The following ROBO2 variants were observed in gnomAD, a reference collection of about 807,000 sequenced individuals.
ROBO2 encodes the protein roundabout homolog 2.
Under a neutral mutation model 160.8 loss-of-function variants are expected in ROBO2, and 53 were observed. The ratio of observed to expected loss-of-function variants is 0.33; its 90% CI spans 0.26 to 0.41. The LOEUF (loss-of-function observed/expected upper bound fraction) is 0.41. ROBO2 is among the 10% of genes least tolerant of loss of function. The pLI is 1.00. For synonymous variants in ROBO2, 664 were observed against 611.7 expected (o/e 1.09, Z -1.26); for missense variants, 1,577 against 1,722.4 (o/e 0.92, Z 1.49).
intron 1 of ROBO2, among the ~76,000 whole-genome samples, chr3:77,089,347 ATCT>A (rs1482893360): frequency 1.3e-5 from 2 of 152,126 alleles, no homozygotes; most frequent in African/African-American, 2.4e-5. Context: ...TGATAGCTTA[ATCT>A]TCTGTTTTCT....
chr3:76,879,943 T>A (rs1039633716), intron 2 of ROBO2, among the ~76,000 whole-genome samples: 4 of 152,134 alleles, frequency 2.6e-5, no homozygotes, highest in African/African-American at 9.7e-5. Context: ...ATGCATTGGG[T>A]TTCTGATGCA....
chr3:76,248,066 T>G (rs1193634452), intron 2 of ROBO2, among the ~76,000 whole-genome samples: 1 of 151,912 alleles, frequency 6.6e-6, no homozygotes, highest in Non-Finnish European at 1.5e-5. Context: ...GTTCAACCAT[T>G]GTAGAAGTCA....
chr3:75,983,125 A>C (rs2065322545), intron 2 of ROBO2, among the ~76,000 whole-genome samples: 1 of 151,432 alleles, frequency 6.6e-6, no homozygotes, highest in South Asian at 2.1e-4. Context: ...AAGAAAGCTT[A>C]AGTGTACAGT....
In ROBO2 at chr3:77,473,646, CG is replaced by C. The variant is rs562739618; in HGVS notation, c.389-3764del. 4.9e-3 allele frequency among the ~76,000 whole-genome samples: 739 copies of C among 151,648 alleles called. 2 individuals carry two copies. Among genetic ancestry groups the C allele is most frequent in the South Asian group, 0.026 (122 of 4,764 alleles). ...TTTTTTTTGGTATTTTTAGTACAGA[CG>C]GGGTTTCACCGTGTTAGCCAGAATG... On this transcript the variant is annotated intron_variant, in intron 2 of 25. Transcript: ENST00000461745.
At chr3:77,086,213 A>C (rs2069288661) in intron 1 of ROBO2, among the ~76,000 whole-genome samples, 1 of 152,050 alleles carries the variant, frequency 6.6e-6, no homozygotes, top group African/African-American at 2.4e-5. Context: ...TTAGAGACAG[A>C]GGTTATACTA....
intron 2 of ROBO2, among the ~76,000 whole-genome samples, chr3:76,758,601 G>T (rs1476588429): frequency 2.0e-5 from 3 of 151,706 alleles, no homozygotes; most frequent in Admixed American, 1.3e-4. Context: ...GCTTTTTGAG[G>T]ATTGCACCAA....
intron 2 of ROBO2, among the ~76,000 whole-genome samples, chr3:76,962,941 G>C (rs1314487581): frequency 6.6e-6 from 1 of 152,090 alleles, no homozygotes; most frequent in Non-Finnish European, 1.5e-5. Context: ...TGTCATTAAT[G>C]TTAAAAATGA....
intron 2 of ROBO2, among the ~76,000 whole-genome samples, chr3:77,236,120 C>T (rs1323203905): frequency 6.6e-6 from 1 of 152,182 alleles, no homozygotes; most frequent in East Asian, 1.9e-4. Context: ...TTTAGAAAAA[C>T]ATGAGACATT....
upstream of ROBO2, among the ~76,000 whole-genome samples, chr3:77,034,955 A>G (rs2063539583): frequency 6.6e-6 from 1 of 151,932 alleles, no homozygotes; most frequent in Admixed American, 6.6e-5. Flanking sequence ...TAAGCCATAT[A>G]CTAAAATAAT....
chr3:76,300,110 A>G (rs1037369531), intron 2 of ROBO2, among the ~76,000 whole-genome samples: 41 of 152,128 alleles, frequency 2.7e-4, no homozygotes, highest in African/African-American at 9.7e-4. Context: ...GGATTACACA[A>G]TGCCAAAATC....
chr3:76,595,907 G>GT (rs5850270), intron 2 of ROBO2, among the ~76,000 whole-genome samples: 7,354 of 152,116 alleles, frequency 0.048, 209 homozygotes, highest in African/African-American at 0.073. Context: ...CGTGAGCCAC[G>GT]TAACTACTTA....
chr3:76,684,745 T>A (rs919664024), intron 2 of ROBO2, among the ~76,000 whole-genome samples: 2 of 151,882 alleles, frequency 1.3e-5, no homozygotes, highest in Admixed American at 1.3e-4. Context: ...GCCCCCACAC[T>A]GGCAAAACTG....
chr3:76,507,828 C>T (rs894592597), intron 2 of ROBO2, among the ~76,000 whole-genome samples: 2 of 152,120 alleles, frequency 1.3e-5, no homozygotes, highest in Non-Finnish European at 2.9e-5. Flanking sequence ...TACCACTCTT[C>T]TCTAGAGTCC....
intron 2 of ROBO2, among the ~76,000 whole-genome samples, chr3:77,295,266 G>A (rs1202595847): frequency 1.4e-5 from 2 of 148,132 alleles, no homozygotes; most frequent in Admixed American, 6.7e-5. Flanking sequence ...ACGATTAAAC[G>A]GTAAGCTGAG....
chr3:77,453,769 G>A (rs1200644002), intron 2 of ROBO2, among the ~76,000 whole-genome samples: 4 of 152,022 alleles, frequency 2.6e-5, no homozygotes, highest in Admixed American at 6.6e-5. Context: ...TTATTTTCCA[G>A]GTTATGTTTG....
At chr3:76,848,045 A>C (rs2068944540) in intron 2 of ROBO2, among the ~76,000 whole-genome samples, 1 of 152,190 alleles carries the variant, frequency 6.6e-6, no homozygotes, top group South Asian at 2.1e-4. Flanking sequence ...CTACCAGTTT[A>C]TGTCATTACT....
chr3:77,197,361 G>C (rs1445864758), intron 2 of ROBO2, among the ~76,000 whole-genome samples: 2 of 152,184 alleles, frequency 1.3e-5, no homozygotes, highest in African/African-American at 4.8e-5. Flanking sequence ...TGAATATTCA[G>C]TCTGGAGTTC....
chr3:76,561,025 G>A lies in ROBO2; in HGVS notation c.110-536989G>A, dbSNP rs900495987. 4.6e-4 allele frequency among the ~76,000 whole-genome samples: 67 copies of A among 145,780 alleles called. 1 individual carries two copies. The Admixed American group carries it at 4.6e-3, about 10-fold the overall frequency. ...ACAAGCTCAACAGTCAAGCTATAATGGTGATAGTCAAGCTCTCTCTATATA... is the reference window on the plus strand; with the variant it reads ...ACAAGCTCAACAGTCAAGCTATAATAGTGATAGTCAAGCTCTCTCTATATA... On this transcript the variant is annotated intron_variant, in intron 2 of 26. Coordinates refer to the ROBO2 transcript ENST00000487694.
chr3:75,928,678 C>T (rs1947388822), intron 1 of ROBO2, among the ~76,000 whole-genome samples: 1 of 152,164 alleles, frequency 6.6e-6, no homozygotes, highest in Admixed American at 6.5e-5. Context: ...AATGCTTGTT[C>T]CAGTTGCTCA....
Sources: allele counts gnomAD v4.1 joint callset (sites outside exome capture counted in the v4.1 genomes callset), GRCh38; gene constraint gnomAD v4.1.1; transcripts MANE v1.5; gene names NCBI Gene and HGNC (gene_info 2026-07-23, HGNC 2026-07-21).